The following CADM2 variants were observed in gnomAD, a reference collection of about 807,000 sequenced individuals.
CADM2 encodes cell adhesion molecule 2.
CADM2 carries 12 observed loss-of-function variants against 49.8 expected under a neutral mutation model. The observed-to-expected ratio is 0.24, with a 90% CI of 0.15 to 0.39. The LOEUF is 0.39. CADM2 is among the 10% of genes least tolerant of loss of function. CADM2 has a pLI of 1.00. For missense variants in CADM2, 378 were observed against 492.3 expected, an observed-to-expected ratio of 0.77 and a Z score of 2.20; for synonymous variants, 214 against 175.4, an observed-to-expected ratio of 1.22 and a Z score of -1.74.
chr3:85,759,595 G>C (rs889408516), intron 2 of CADM2, among the ~76,000 whole-genome samples: 25 of 152,044 alleles, frequency 1.6e-4, no homozygotes, highest in African/African-American at 5.8e-4. Context: ...AAGGAAAGGG[G>C]TTTAAATTCT....
chr3:85,264,241 G>C (rs960171309), intron 1 of CADM2, among the ~76,000 whole-genome samples: 58 of 152,062 alleles, frequency 3.8e-4, no homozygotes, highest in Admixed American at 3.7e-3. Context: ...CCTGTGTTCT[G>C]AGTAGTATTC....
chr3:85,708,180 A>C (rs2067006618), intron 1 of CADM2, among the ~76,000 whole-genome samples: 1 of 152,180 alleles, frequency 6.6e-6, no homozygotes, highest in Non-Finnish European at 1.5e-5. Flanking sequence ...TTTAGTACCT[A>C]GGAAGAATGT....
At chr3:85,963,951 CAAGT>C (rs1283124074) in intron 8 of CADM2, among the ~76,000 whole-genome samples, 3 of 151,988 alleles carry the variant, frequency 2.0e-5, no homozygotes, top group African/African-American at 7.2e-5. Context: ...ATTATTGACA[CAAGT>C]AATGAGAGGC....
intron 1 of CADM2, among the ~76,000 whole-genome samples, chr3:85,645,137 G>T (rs528315059): frequency 1.2e-4 from 18 of 151,894 alleles, no homozygotes; most frequent in African/African-American, 4.3e-4. Context: ...AATACATTCA[G>T]CCATCATTTT....
intron 1 of CADM2, among the ~76,000 whole-genome samples, chr3:85,182,579 G>T (rs2040963079): frequency 6.6e-6 from 1 of 152,026 alleles, no homozygotes; most frequent in African/African-American, 2.4e-5. Context: ...GTAACTAGAT[G>T]TAACATTGTA....
chr3:85,956,028 T>C (rs1393101727), intron 7 of CADM2, among the ~76,000 whole-genome samples: 2 of 151,736 alleles, frequency 1.3e-5, no homozygotes, highest in Admixed American at 1.3e-4. Flanking sequence ...ATCAAAATGT[T>C]ATCTCAAACA....
At chr3:85,917,086 G>A (rs564154734) in intron 6 of CADM2, among the ~76,000 whole-genome samples, 8 of 152,076 alleles carry the variant, frequency 5.3e-5, no homozygotes, top group African/African-American at 1.7e-4. Flanking sequence ...CAGATGAGTA[G>A]GCTGCAAAAA....
intron 1 of CADM2, among the ~76,000 whole-genome samples, chr3:85,192,865 C>G (rs975480457): frequency 6.6e-6 from 1 of 151,756 alleles, no homozygotes. Context: ...CAAATTTGAC[C>G]AAGGTGATCA....
At chr3:85,668,938 G>C (rs546173000) in intron 1 of CADM2, among the ~76,000 whole-genome samples, 2 of 152,084 alleles carry the variant, frequency 1.3e-5, no homozygotes, top group Non-Finnish European at 2.9e-5. Flanking sequence ...GATTTCATAG[G>C]TCATATGCCT....
At chr3:85,448,548 C>G (rs1342109279) in intron 1 of CADM2, among the ~76,000 whole-genome samples, 3 of 151,922 alleles carry the variant, frequency 2.0e-5, no homozygotes, top group Non-Finnish European at 2.9e-5. Flanking sequence ...CTCACCAAAC[C>G]TATGACTCTC....
intron 3 of CADM2, among the ~76,000 whole-genome samples, chr3:85,813,290 C>T (rs2072999958): frequency 6.6e-6 from 1 of 152,198 alleles, no homozygotes; most frequent in Admixed American, 6.5e-5. Context: ...TTGCATTTCT[C>T]TAATGACCAG....
chr3:85,457,473 T>G (rs2038048097), intron 1 of CADM2, among the ~76,000 whole-genome samples: 2 of 152,176 alleles, frequency 1.3e-5, no homozygotes, highest in East Asian at 3.9e-4. Context: ...AACACTTGAG[T>G]GTTCATATGA....
chr3:85,158,175 A>T, intron 1 of CADM2, among the ~76,000 whole-genome samples: 1 of 152,208 alleles, frequency 6.6e-6, no homozygotes, highest in Non-Finnish European at 1.5e-5. Flanking sequence ...GGCAATCATT[A>T]AAAAGTCAGG....
intron 2 of CADM2, among the ~76,000 whole-genome samples, chr3:85,792,212 G>A (rs1300965004): frequency 6.6e-6 from 1 of 152,134 alleles, no homozygotes; most frequent in Non-Finnish European, 1.5e-5. Flanking sequence ...TTTGATTCAG[G>A]TGTCTATGTC....
At position 85,376,017 on chromosome 3, in the gene CADM2, T is replaced by G. The variant is rs530040736; in HGVS notation, c.62-350505T>G. Reference sequence around the variant, plus strand: ...TTTATGCTAAGCATTTAATATGCATTATGTAATTTAATCTTTACAGCAACA... The same window carrying G: ...TTTATGCTAAGCATTTAATATGCATGATGTAATTTAATCTTTACAGCAACA... On this transcript the variant is annotated intron_variant, in intron 1 of 9. Coordinates refer to ENST00000383699, the MANE Select transcript of CADM2 (RefSeq NM_001167675.2). 2.0e-5 allele frequency among the ~76,000 whole-genome samples: 3 copies of G among 152,282 alleles called. No homozygotes were observed. The East Asian group carries it at 5.8e-4, about 29-fold the overall frequency.
chr3:85,595,724 C>T (rs544279529), intron 1 of CADM2, among the ~76,000 whole-genome samples: 1 of 151,844 alleles, frequency 6.6e-6, no homozygotes, highest in African/African-American at 2.4e-5. Flanking sequence ...AAGGAGGGAC[C>T]ATATAGTCTA....
chr3:85,087,052 A>G (rs1341574458), intron 1 of CADM2, among the ~76,000 whole-genome samples: 1 of 152,192 alleles, frequency 6.6e-6, no homozygotes, highest in African/African-American at 2.4e-5. Flanking sequence ...CACATAAAAC[A>G]TAAAGATAAA....
At chr3:85,886,544 T>C (rs1713683368) in intron 5 of CADM2, among the ~76,000 whole-genome samples, 1 of 152,098 alleles carries the variant, frequency 6.6e-6, no homozygotes, top group African/African-American at 2.4e-5. Flanking sequence ...TTCCGTAAAA[T>C]AGGTTTAAAA....
At chr3:85,410,134 C>T (rs1344864316) in intron 1 of CADM2, among the ~76,000 whole-genome samples, 3 of 152,152 alleles carry the variant, frequency 2.0e-5, no homozygotes, top group Non-Finnish European at 2.9e-5. Flanking sequence ...AAATGTAGAA[C>T]AGAGCTATTT....
Sources: gnomAD v4.1 joint callset for allele counts (sites outside exome capture counted in the v4.1 genomes callset) on GRCh38, gnomAD v4.1.1 for gene constraint, MANE v1.5 for transcripts, NCBI Gene and HGNC (gene_info 2026-07-23, HGNC 2026-07-21) for gene names.